Variants in SPHKAP observed in about 807,000 individuals in gnomAD.
SPHKAP encodes A-kinase anchor protein SPHKAP.
Under a neutral mutation model 137.5 loss-of-function variants are expected in SPHKAP, and 67 were observed. The ratio of observed to expected loss-of-function variants is 0.49; its 90% CI spans 0.40 to 0.60. The LOEUF (loss-of-function observed/expected upper bound fraction) is 0.60, where lower values mean the gene tolerates loss of function less well. Ranked by LOEUF, SPHKAP falls within the 20% of genes least tolerant of loss-of-function variation. The pLI is 0.00. For missense variants in SPHKAP, 2,097 were observed against 2,069.3 expected (o/e 1.01, Z -0.26); for synonymous variants, 813 against 785.3 (o/e 1.04, Z -0.59).
intron 3 of SPHKAP, among the ~76,000 whole-genome samples, chr2:228,028,914 A>C (rs1695173157): frequency 6.6e-6 from 1 of 151,686 alleles, no homozygotes; most frequent in South Asian, 2.1e-4. Context: ...AGAAAGTTAA[A>C]GTTTTCAAAG....
intron 1 of SPHKAP, among the ~76,000 whole-genome samples, chr2:228,172,064 G>A (rs9653368): frequency 0.14 from 20,611 of 151,924 alleles, 1,422 homozygotes; most frequent in East Asian, 0.2. Context: ...TTGTGTGTGT[G>A]TATATCCTAT....
chr2:228,019,701 C>T lies in SPHKAP; in HGVS notation c.1153G>A (p.Glu385Lys), dbSNP rs1694760283. Residue 385 changes from glutamate to lysine, a missense_variant, in exon 7 of 12, where the codon GAA becomes AAA. By Grantham distance (56) the Glu-to-Lys change is moderately conservative. Coordinates refer to ENST00000392056, the MANE Select transcript of SPHKAP (RefSeq NM_001142644.2). ...GTAGCATACTTGCCAGTGGTGACTT[C>T]TCCATCTTGTCTAGGAGGGAGAGCG... is the stretch of plus-strand genomic sequence containing the variant. The part of the protein sequence containing the change: ...RNALPPRQDG[E>K]VTTGKYATNL... 6.2e-7 allele frequency: 1 copy of T among 1,614,090 alleles called. No homozygotes were observed. The highest frequency in any genetic ancestry group is 8.5e-7 in the Non-Finnish European group (1 of 1,180,038).
intron 3 of SPHKAP, among the ~76,000 whole-genome samples, chr2:228,030,513 C>CAAAAAAAAAAAAAAAAA (rs11287311): frequency 1.2e-4 from 6 of 48,766 alleles, no homozygotes; most frequent in South Asian, 7.2e-4. Flanking sequence ...GATACCATCT[C>CAAAAAAAAAAAAAAAAA]AAAAAAAAAA....
intron 3 of SPHKAP, among the ~76,000 whole-genome samples, chr2:228,028,816 CAGTA>C (rs1418742973): frequency 5.3e-5 from 8 of 152,196 alleles, no homozygotes; most frequent in Non-Finnish European, 1.0e-4. Flanking sequence ...ATGTCCCTAA[CAGTA>C]AGTGACTCAT....
chr2:227,995,873 C>T (rs1311161706), intron 7 of SPHKAP, 179 bp from the exon 8 acceptor site: 1 of 934,906 alleles, frequency 1.1e-6, no homozygotes. Flanking sequence ...AGGATTACTC[C>T]CCATCAGCCA....
chr2:228,031,038 G>T (rs11883639), intron 3 of SPHKAP, among the ~76,000 whole-genome samples: 2,316 of 152,262 alleles, frequency 0.015, 66 homozygotes, highest in African/African-American at 0.053. Context: ...TGGATGCAGC[G>T]CACCGTGCAT....
intron 1 of SPHKAP, among the ~76,000 whole-genome samples, chr2:228,139,662 A>T (rs1287805959): frequency 6.6e-6 from 1 of 152,162 alleles, no homozygotes; most frequent in Non-Finnish European, 1.5e-5. Flanking sequence ...GTATCAAGCA[A>T]GTGAGCATGA....
intron 2 of SPHKAP, among the ~76,000 whole-genome samples, chr2:228,122,613 T>C (rs1698949214): frequency 6.6e-6 from 1 of 152,198 alleles, no homozygotes; most frequent in Admixed American, 6.5e-5. Flanking sequence ...GAGCTGTCCA[T>C]GCAACACAGG....
At chr2:228,104,275 T>TCA (rs1260388435) in intron 3 of SPHKAP, among the ~76,000 whole-genome samples, 1 of 130,110 alleles carries the variant, frequency 7.7e-6, no homozygotes, top group African/African-American at 2.8e-5. Context: ...ATATTATATA[T>TCA]TATATATCAT....
At chr2:228,054,576 G>T (rs1696372342) in intron 3 of SPHKAP, among the ~76,000 whole-genome samples, 1 of 152,046 alleles carries the variant, frequency 6.6e-6, no homozygotes, top group Non-Finnish European at 1.5e-5. Flanking sequence ...AGGAGATTCA[G>T]AATTCTCCAG....
intron 3 of SPHKAP, among the ~76,000 whole-genome samples, chr2:228,037,165 C>T (rs867719034): frequency 6.6e-6 from 1 of 151,948 alleles, no homozygotes; most frequent in Non-Finnish European, 1.5e-5. Flanking sequence ...CAGTTTTGTA[C>T]TCTAAAGACA....
intron 3 of SPHKAP, among the ~76,000 whole-genome samples, chr2:228,038,164 T>C (rs1695702716): frequency 6.6e-6 from 1 of 152,180 alleles, no homozygotes; most frequent in Non-Finnish European, 1.5e-5. Context: ...AGTTATGATC[T>C]GTCTGAAGGC....
chr2:228,021,162 G>A (rs1694828434), intron 6 of SPHKAP, among the ~76,000 whole-genome samples: 1 of 152,202 alleles, frequency 6.6e-6, no homozygotes, highest in African/African-American at 2.4e-5. Context: ...AACAGGAAGA[G>A]CTGAATAAAT....
chr2:228,140,800 A>T (rs996190570), intron 1 of SPHKAP, among the ~76,000 whole-genome samples: 1 of 151,742 alleles, frequency 6.6e-6, no homozygotes, highest in East Asian at 1.9e-4. Context: ...AAAGTGGATG[A>T]CACCCCCCTC....
intron 1 of SPHKAP, among the ~76,000 whole-genome samples, chr2:228,180,143 G>A (rs1229516825): frequency 6.6e-6 from 1 of 152,088 alleles, no homozygotes; most frequent in Non-Finnish European, 1.5e-5. Context: ...GTTCCGCTGG[G>A]GCAGGGATCG....
rs973814406 is a variant in SPHKAP, at chr2:227,995,614, G to T, written c.4529C>A (p.Pro1510Gln). The change falls in exon 8 of 12, where the codon CCA (proline) becomes CAA (glutamine). Residue 1510 changes from proline (P) to glutamine (Q), a missense_variant. Physicochemically the swap from Pro to Gln is moderately conservative, Grantham distance 76. Transcript: ENST00000392056. ...GCCTGTGCTCTCCTCGCTGCTGCTTGGAGGGTTGGGGGCCTCATCGGGGGC... is the reference window on the plus strand; with the variant it reads ...GCCTGTGCTCTCCTCGCTGCTGCTTTGAGGGTTGGGGGCCTCATCGGGGGC... ...ARAPDEAPNP[P>Q]SSSEESTGSW... 6 of 1,613,994 alleles carry T rather than the reference G, an allele frequency of 3.7e-6. No homozygotes were observed. The highest frequency in any genetic ancestry group is 1.3e-5 in the African/African-American group (1 of 75,040).
chr2:228,062,096 A>G lies in SPHKAP; in HGVS notation c.247-34553T>C, dbSNP rs552046869. On this transcript the variant is annotated intron_variant, in intron 3 of 11. Coordinates refer to ENST00000392056, the MANE Select transcript of SPHKAP (RefSeq NM_001142644.2). ...CCAGATTTTTGGCTCAAGAAAACCC[A>G]AAAACCCAAAAACTGGGGACAATGA... is the stretch of plus-strand genomic sequence containing the variant. Among the ~76,000 whole-genome samples, 252 of 152,224 alleles carry G rather than the reference A, an allele frequency of 1.7e-3. 1 individual carries two copies. Among genetic ancestry groups the G allele is most frequent in the Non-Finnish European group, 2.7e-3 (185 of 68,002 alleles).
chr2:228,134,238 A>G (rs28501418), intron 1 of SPHKAP, among the ~76,000 whole-genome samples: 3 of 42,796 alleles, frequency 7.0e-5, no homozygotes, highest in Admixed American at 1.6e-4. Flanking sequence ...GGGAGGGAGG[A>G]AGGAAGGAAG....
In SPHKAP at chr2:228,069,601, G is replaced by GTTTT. The variant is rs915614298; in HGVS notation, c.246+39227_246+39230dup. 3.1e-4 allele frequency among the ~76,000 whole-genome samples: 46 copies of GTTTT among 146,712 alleles called. No individual in the cohort carries two copies. In the South Asian group the frequency reaches 9.3e-3, roughly 30 times the overall value. ...GTACTGGCCTCTTTATTTAAAAGAA[G>GTTTT]TTTTTTTTTTTCTAAGAAAAACATT... On this transcript the variant is annotated intron_variant, in intron 3 of 11. Transcript: ENST00000392056.
Sources: gnomAD v4.1 joint callset for allele counts (sites outside exome capture counted in the v4.1 genomes callset) on GRCh38, gnomAD v4.1.1 for gene constraint, MANE v1.5 for transcripts, NCBI Gene and HGNC (gene_info 2026-07-23, HGNC 2026-07-21) for gene names.